Variants in MYZAP observed in about 807,000 individuals in gnomAD.
MYZAP encodes myocardial zonula adherens protein.
A neutral mutation model predicts 69.4 loss-of-function variants in MYZAP; 66 were observed. That is an observed-to-expected ratio of 0.95 (90% CI 0.78 to 1.17). MYZAP has a LOEUF of 1.17. Among genes scored for constraint, MYZAP ranks in the 50% most tolerant of loss-of-function variants. The pLI is 0.00. For synonymous variants in MYZAP, 256 were observed against 205.9 expected, an observed-to-expected ratio of 1.24 and a Z score of -2.09; for missense variants, 611 against 556.2, an observed-to-expected ratio of 1.10 and a Z score of -0.99.
chr15:57,605,881 G>A (rs2034711512), intron 2 of MYZAP, among the ~76,000 whole-genome samples: 1 of 152,092 alleles, frequency 6.6e-6, no homozygotes, highest in Non-Finnish European at 1.5e-5. Flanking sequence ...AATGGGAACA[G>A]CTGGAGCATC....
At chr15:57,668,588 A>G (rs1265525764) in intron 11 of MYZAP, among the ~76,000 whole-genome samples, 4 of 152,156 alleles carry the variant, frequency 2.6e-5, no homozygotes, top group Non-Finnish European at 5.9e-5. Context: ...GTGCTGTCTC[A>G]TGTGGTTTTA....
Position 57,640,812 on chromosome 15 carries a change from G to A in MYZAP, c.1119+1267G>A, listed in dbSNP as rs149772683. Among the ~76,000 whole-genome samples the A allele has an allele frequency of 2.6e-3, 403 of 152,298 alleles. 2 individuals carry two copies. Among genetic ancestry groups the A allele is most frequent in the African/African-American group, 9.2e-3 (381 of 41,544 alleles). ...TGGTTCACACACAAGTTTCTGGGGA[G>A]CAGTGGAATAGCAGAGGAGGCCACG... On this transcript the variant is annotated intron_variant, in intron 10 of 12. Coordinates refer to ENST00000267853, the MANE Select transcript of MYZAP (RefSeq NM_001018100.5).
intron 7 of MYZAP, 150 bp downstream of exon 7, chr15:57,632,709 C>A: frequency 7.7e-7 from 1 of 1,299,186 alleles, no homozygotes; most frequent in Non-Finnish European, 1.0e-6. Flanking sequence ...TCTGCTCATT[C>A]ACTCCCCTCC....
rs1245875616 is a variant in MYZAP, at chr15:57,618,180, A to C, written c.310A>C (p.Ile104Leu). Residue 104 changes from isoleucine (I) to leucine (L), a missense_variant, in exon 3 of 13, where the codon ATC (isoleucine) becomes CTC (leucine). Ile to Leu is a conservative substitution (Grantham distance 5). Coordinates refer to ENST00000267853, the MANE Select transcript of MYZAP (RefSeq NM_001018100.5). ...TSQLKEEMNY[I>L]KDVRATLEKV... ...TCAGCTGAAAGAAGAGATGAACTAC[A>C]TCAAAGATGTGAGCCATTTAAGAGT... The C allele has an allele frequency of 1.9e-6, 3 of 1,613,452 alleles. No homozygotes were observed. In the East Asian group the frequency reaches 6.7e-5, roughly 36 times the overall value.
At chr15:57,674,852 T>G (rs998015181) in intron 11 of MYZAP, 116 bp from the exon 12 acceptor site, 1 of 805,364 alleles carries the variant, frequency 1.2e-6, no homozygotes, top group East Asian at 2.7e-5. Flanking sequence ...GTAAATACAT[T>G]GTGATAGTTG....
rs56102709 is a variant in MYZAP, at chr15:57,678,041, C to CAAAAAAAAAAAA, written c.1304+2983_1304+2994dup. Among the ~76,000 whole-genome samples the CAAAAAAAAAAAA allele has an allele frequency of 1.8e-3, 209 of 116,192 alleles. 4 individuals carry two copies. Among genetic ancestry groups the CAAAAAAAAAAAA allele is most frequent in the African/African-American group, 6.1e-3 (174 of 28,422 alleles). The allele number at this position is 116,192 out of a possible 152,430, so 76.2% of individuals were successfully genotyped here. On this transcript the variant is annotated intron_variant, in intron 12 of 12. Transcript: ENST00000267853. ...CCACATAGCAGGACCTTATCTCTACCAAAAAAAAAAAAAAAAAAAAAGAAA... is the reference window on the plus strand; with the variant it reads ...CCACATAGCAGGACCTTATCTCTACCAAAAAAAAAAAAAAAAAAAAAAAAAAAAAAAAAGAAA...
intron 1 of MYZAP, among the ~76,000 whole-genome samples, chr15:57,602,387 G>A (rs553586581): frequency 6.6e-5 from 10 of 152,210 alleles, no homozygotes; most frequent in African/African-American, 2.2e-4. Flanking sequence ...TTGATGGGTC[G>A]TCTTAATGTT....
chr15:57,628,838 A>C (rs1426536711), intron 5 of MYZAP, among the ~76,000 whole-genome samples: 1 of 151,990 alleles, frequency 6.6e-6, no homozygotes, highest in African/African-American at 2.4e-5. Flanking sequence ...TAATCCCAGC[A>C]CTTTGGGAGG....
chr15:57,651,401 A>G (rs2037719980), intron 10 of MYZAP, among the ~76,000 whole-genome samples: 1 of 152,146 alleles, frequency 6.6e-6, no homozygotes, highest in African/African-American at 2.4e-5. Flanking sequence ...TGAATCATAG[A>G]GGGAAAAAAA....
At chr15:57,637,206 C>T (rs1241687001) in intron 8 of MYZAP, among the ~76,000 whole-genome samples, 1 of 152,164 alleles carries the variant, frequency 6.6e-6, no homozygotes, top group African/African-American at 2.4e-5. Flanking sequence ...ACATAGGATT[C>T]AGGAATCAGG....
At chr15:57,627,804 G>A (rs1281794852) in intron 5 of MYZAP, among the ~76,000 whole-genome samples, 3 of 152,148 alleles carry the variant, frequency 2.0e-5, no homozygotes, top group African/African-American at 7.2e-5. Context: ...GGACCAGAGT[G>A]TAGGTTTTTG....
chr15:57,636,307 C>T (rs1279524287), intron 8 of MYZAP, among the ~76,000 whole-genome samples: 1 of 152,122 alleles, frequency 6.6e-6, no homozygotes, highest in African/African-American at 2.4e-5. Flanking sequence ...AGTAACAAAA[C>T]CCCAGTCAAA....
intron 3 of MYZAP, among the ~76,000 whole-genome samples, 153 bp downstream of exon 3, chr15:57,618,341 T>C (rs1392910899): frequency 2.0e-5 from 3 of 152,250 alleles, no homozygotes; most frequent in Non-Finnish European, 2.9e-5. Context: ...TGTATCTTCA[T>C]GGTAATGTTA....
At chr15:57,672,522 C>CT (rs5812907) in intron 11 of MYZAP, among the ~76,000 whole-genome samples, 136,905 of 152,202 alleles carry the variant, frequency 0.9, 62,680 homozygotes, top group Non-Finnish European at 0.98. Context: ...ATACTCCTCT[C>CT]ACTGCAAGTG....
chr15:57,629,971 A>ATTTTTT lies in MYZAP; in HGVS notation c.678+127_678+132dup, dbSNP rs59322468. ...TTTTCTCCATTCTCTTCTTCATTGG[A>ATTTTTT]TTTTTTTTTTTTTTTGAGACAGAGT... On this transcript the variant is annotated intron_variant, in intron 6 of 12. Transcript: ENST00000267853. 4.6e-4 allele frequency: 399 copies of ATTTTTT among 874,964 alleles called. 1 individual carries two copies. The highest frequency in any genetic ancestry group is 1.4e-3 in the African/African-American group (59 of 43,630). The allele number at this position is 874,964 out of a possible 1,614,324, so 54.2% of individuals were successfully genotyped here.
At chr15:57,597,434 T>C (rs2034133960) in intron 1 of MYZAP, among the ~76,000 whole-genome samples, 1 of 152,214 alleles carries the variant, frequency 6.6e-6, no homozygotes, top group African/African-American at 2.4e-5. Flanking sequence ...TACTCCCTTC[T>C]ATAGCTTTCT....
chr15:57,593,214 A>ACACACACACACACACCCCCCCCCC (rs1172761785), intron 1 of MYZAP, among the ~76,000 whole-genome samples: 1 of 141,346 alleles, frequency 7.1e-6, no homozygotes, highest in African/African-American at 2.8e-5. Flanking sequence ...ACACACACAC[A>ACACACACACACACACCCCCCCCCC]CCCCAGAATC....
At position 57,618,084 on chromosome 15, in the gene MYZAP, G is replaced by C. The variant is rs2035587829; in HGVS notation, c.214G>C (p.Val72Leu). The C allele has an allele frequency of 6.2e-7, 1 of 1,614,222 alleles. No homozygotes were observed. The highest frequency in any genetic ancestry group is 8.5e-7 in the Non-Finnish European group (1 of 1,180,038). Residue 72 changes from valine (V) to leucine (L), a missense_variant, in exon 3 of 13, where the codon GTT becomes CTT. Physicochemically the swap from Val to Leu is conservative, Grantham distance 32. Transcript: ENST00000267853. ...EPTRKLPQGV[V>L]YGVVRRSDQN... ...TACCAGGAAACTTCCTCAGGGTGTT[G>C]TTTATGGTGTGGTGCGAAGATCAGA...
intron 2 of MYZAP, among the ~76,000 whole-genome samples, chr15:57,608,893 A>G (rs1354985624): frequency 1.3e-5 from 2 of 152,074 alleles, no homozygotes; most frequent in African/African-American, 2.4e-5. Flanking sequence ...CTTCACTGCC[A>G]TGTCTCAGTT....
Sources: gnomAD v4.1 joint callset for allele counts (sites outside exome capture counted in the v4.1 genomes callset) on GRCh38, gnomAD v4.1.1 for gene constraint, MANE v1.5 for transcripts, NCBI Gene and HGNC (gene_info 2026-07-23, HGNC 2026-07-21) for gene names.